HERC1: variants seen among roughly 807,000 people sequenced by gnomAD.
The protein encoded by HERC1 is probable E3 ubiquitin-protein ligase HERC1.
In HERC1, 160 loss-of-function variants were observed where a neutral mutation model predicts 554.3. That is an observed-to-expected ratio of 0.29 (90% confidence interval 0.25 to 0.33). The LOEUF is 0.33. Among genes scored for constraint, HERC1 ranks in the 10% least tolerant of loss-of-function variants. The probability of loss-of-function intolerance (pLI) is 1.00; values close to 1 mark genes in which losing one functional copy is unlikely to be tolerated. For synonymous variants in HERC1, 2,175 were observed against 2,131.7 expected, an observed-to-expected ratio of 1.02 and a Z score of -0.56; for missense variants, 4,919 against 5,918.5, an observed-to-expected ratio of 0.83 and a Z score of 5.54.
At chr15:63,813,930 G>A (rs941485406) in intron 1 of HERC1, among the ~76,000 whole-genome samples, 2 of 152,050 alleles carry the variant, frequency 1.3e-5, no homozygotes, top group Admixed American at 1.3e-4. Context: ...ATGGTGGCGG[G>A]TGCCAGTAAT....
intron 23 of HERC1, 31 bp downstream of exon 23, chr15:63,713,322 G>C (rs1182154960): frequency 6.4e-7 from 1 of 1,560,168 alleles, no homozygotes; most frequent in Non-Finnish European, 8.8e-7. Flanking sequence ...GAAGTGAGTA[G>C]GTCATGTTTT....
At chr15:63,657,262 T>G (rs886206591) in intron 48 of HERC1, among the ~76,000 whole-genome samples, 2 of 140,970 alleles carry the variant, frequency 1.4e-5, no homozygotes, top group Non-Finnish European at 3.0e-5. Flanking sequence ...TGTCTTAGGT[T>G]TTTTTTTTTT....
rs547327244 is a variant in HERC1, at chr15:63,624,826, T to A, written c.13276-499A>T. ...TGATAAAATATATAATTACCATTTTTAAAAACCTTAGAAAATACAGAGAAG... is the reference window on the plus strand; with the variant it reads ...TGATAAAATATATAATTACCATTTTAAAAAACCTTAGAAAATACAGAGAAG... On this transcript the variant is annotated intron_variant, in intron 71 of 77. Coordinates refer to ENST00000443617, the MANE Select transcript of HERC1 (RefSeq NM_003922.4). Among the ~76,000 whole-genome samples, 11 of 152,350 alleles carry A rather than the reference T, an allele frequency of 7.2e-5. No homozygotes were observed. In the East Asian group the frequency reaches 9.6e-4, roughly 13 times the overall value.
At chr15:63,723,385 A>G in intron 18 of HERC1, 30 bp from the exon 19 acceptor site, 3 of 1,442,086 alleles carry the variant, frequency 2.1e-6, no homozygotes, top group Non-Finnish European at 2.8e-6. Flanking sequence ...TACCAATTTT[A>G]ACATCATAAA....
intron 1 of HERC1, among the ~76,000 whole-genome samples, chr15:63,833,408 C>T (rs1028585004): frequency 1.3e-5 from 2 of 152,132 alleles, no homozygotes; most frequent in East Asian, 1.9e-4. Flanking sequence ...AGTCGGCCGC[C>T]GCCCGCGGAC....
At chr15:63,693,882 A>G in intron 30 of HERC1, 82 bp downstream of exon 30, 1 of 1,359,846 alleles carries the variant, frequency 7.4e-7, no homozygotes, top group Non-Finnish European at 9.9e-7. Flanking sequence ...AAGGAAGAGG[A>G]ACTCTACATC....
At chr15:63,776,021 A>G (rs10152419) in intron 1 of HERC1, among the ~76,000 whole-genome samples, 121,789 of 149,972 alleles carry the variant, frequency 0.81, 51,252 homozygotes, top group Non-Finnish European at 0.87. Context: ...CTGGGTGACA[A>G]AGCGAGACTC....
intron 1 of HERC1, among the ~76,000 whole-genome samples, chr15:63,814,894 T>C (rs548436300): frequency 6.6e-6 from 1 of 152,360 alleles, no homozygotes; most frequent in South Asian, 2.1e-4. Context: ...TATGAAAGTA[T>C]TTTAATGCAA....
At chr15:63,831,405 G>C (rs1427148086) in intron 1 of HERC1, among the ~76,000 whole-genome samples, 1 of 152,118 alleles carries the variant, frequency 6.6e-6, no homozygotes, top group African/African-American at 2.4e-5. Flanking sequence ...CTGTAATCTG[G>C]CCAAAAGTTC....
intron 60 of HERC1, 47 bp from the exon 61 acceptor site, chr15:63,640,492 A>G (rs1394937597): frequency 6.9e-7 from 1 of 1,458,128 alleles, no homozygotes. Context: ...TTTGTGCCAA[A>G]TATTCTAAAT....
At position 63,669,678 on chromosome 15, in the gene HERC1, G is replaced by A; in HGVS notation, c.8066C>T (p.Pro2689Leu). The stretch of plus-strand genomic sequence containing the variant: ...ACGTGTGGGAAGTACAGTGGTAGTT[G>A]GGTAACTAGAGAACATTTGCCTTTA... ...SLLRQMFSSY[P>L]TTTVLPTRRA... Residue 2689 changes from proline (P) to leucine (L), a missense_variant, in exon 40 of 78, where the codon CCA becomes CTA. Around this residue, in one of 11 missense-constraint regions of HERC1, gnomAD observed 1,963 missense variants for 2,228.6 expected, o/e 0.88. Transcript: ENST00000443617. 1 of 1,613,658 alleles carries A rather than the reference G, an allele frequency of 6.2e-7. No individual in the cohort carries two copies. The highest frequency in any genetic ancestry group is 8.5e-7 in the Non-Finnish European group (1 of 1,179,682).
chr15:63,754,939 ACC>A (rs746658762), intron 6 of HERC1, among the ~76,000 whole-genome samples: 1 of 152,160 alleles, frequency 6.6e-6, no homozygotes, highest in African/African-American at 2.4e-5. Context: ...TGTTTTCATT[ACC>A]CACTAGATTA....
chr15:63,789,986 C>T (rs1368266029), intron 1 of HERC1, among the ~76,000 whole-genome samples: 1 of 151,606 alleles, frequency 6.6e-6, no homozygotes, highest in African/African-American at 2.4e-5. Context: ...AAAGGAAAAC[C>T]CCAAAAAGTC....
chr15:63,805,551 G>T (rs1259057235), intron 1 of HERC1, among the ~76,000 whole-genome samples: 3 of 152,174 alleles, frequency 2.0e-5, no homozygotes, highest in Non-Finnish European at 4.4e-5. Flanking sequence ...ACTATATGAT[G>T]ATTGTGGTGG....
chr15:63,697,567 G>A (rs553503595), intron 26 of HERC1, among the ~76,000 whole-genome samples: 84 of 148,760 alleles, frequency 5.6e-4, no homozygotes, highest in African/African-American at 2.0e-3. Context: ...TGATTCTCCC[G>A]CCTCAGCCTC....
At chr15:63,781,776 T>C (rs2076295782) in intron 1 of HERC1, among the ~76,000 whole-genome samples, 1 of 152,206 alleles carries the variant, frequency 6.6e-6, no homozygotes, top group African/African-American at 2.4e-5. Context: ...TTGCGCCAGT[T>C]AGCCAAGTTG....
chr15:63,777,846 A>C (rs2076159049), intron 1 of HERC1, among the ~76,000 whole-genome samples: 1 of 152,284 alleles, frequency 6.6e-6, no homozygotes, highest in Middle Eastern at 3.4e-3. Context: ...TTTTTTTAAA[A>C]ACCTGAGTCT....
At position 63,641,477 on chromosome 15, in the gene HERC1, T is replaced by C. The variant is rs917297825; in HGVS notation, c.11600A>G (p.Tyr3867Cys). 7 of 1,610,796 alleles carry C rather than the reference T, an allele frequency of 4.3e-6. No homozygotes were observed. Among genetic ancestry groups the C allele is most frequent in the Non-Finnish European group, 5.9e-6 (7 of 1,178,060 alleles). ...LPMMLQEQYA[Y>C]EKPHVVCGDQ... ...GTGAGTGTAATGAGTTACCTTTTCA[T>C]AGGCATACTGCTCCTGAAGCATCAT... The change falls in exon 60 of 78, where the codon TAT (tyrosine) becomes TGT (cysteine). Residue 3867 changes from tyrosine to cysteine, a missense_variant. This residue lies in a region of HERC1 where 1,963 missense variants were observed against 2,228.6 expected (regional missense o/e 0.88). Coordinates refer to ENST00000443617, the MANE Select transcript of HERC1 (RefSeq NM_003922.4).
At chr15:63,723,421 C>A (rs1415278215) in intron 18 of HERC1, 66 bp from the exon 19 acceptor site, 4 of 1,068,988 alleles carry the variant, frequency 3.7e-6, no homozygotes, top group South Asian at 1.8e-5. Context: ...TAAAATCTTA[C>A]CACATTTATT....
Sources: allele counts gnomAD v4.1 joint callset (sites outside exome capture counted in the v4.1 genomes callset), GRCh38; gene constraint gnomAD v4.1.1; regional missense constraint gnomAD v4.1.1; transcripts MANE v1.5; gene names NCBI Gene and HGNC (gene_info 2026-07-23, HGNC 2026-07-21).